DNAJC16: variants seen among roughly 807,000 people sequenced by gnomAD.
DNAJC16 encodes dnaJ homolog subfamily C member 16.
DNAJC16 carries 76 observed loss-of-function variants against 92.7 expected under a neutral mutation model. The ratio of observed to expected loss-of-function variants is 0.82; its 90% CI spans 0.68 to 0.99. DNAJC16 has a LOEUF of 0.99. Ranked by LOEUF, DNAJC16 falls within the 50% of genes least tolerant of loss-of-function variation. The probability of loss-of-function intolerance (pLI) is 0.00; values close to 1 mark genes in which losing one functional copy is unlikely to be tolerated. For synonymous variants in DNAJC16, 328 were observed against 358.7 expected (o/e 0.91, Z 0.97); for missense variants, 869 against 942.4 (o/e 0.92, Z 1.02).
chr1:15,557,076 G>A (rs1638586112), intron 7 of DNAJC16, among the ~76,000 whole-genome samples: 1 of 152,118 alleles, frequency 6.6e-6, no homozygotes, highest in Non-Finnish European at 1.5e-5. Flanking sequence ...ATATATTGCT[G>A]GATTCCATTT....
At chr1:15,562,019 C>A in intron 8 of DNAJC16, 123 bp from the exon 9 acceptor site, 1 of 868,062 alleles carries the variant, frequency 1.2e-6, no homozygotes, top group Non-Finnish European at 1.6e-6. Flanking sequence ...TCAGCTTTCA[C>A]TGGGCACAGT....
At chr1:15,567,507 C>G (rs1174272190) in intron 14 of DNAJC16, among the ~76,000 whole-genome samples, 1 of 152,092 alleles carries the variant, frequency 6.6e-6, no homozygotes, top group African/African-American at 2.4e-5. Context: ...TTCCCTGAGC[C>G]CTTTCAGTTA....
At chr1:15,527,018 G>C (rs1474257790) in intron 1 of DNAJC16, 60 bp downstream of exon 1, 1 of 152,332 alleles carries the variant, frequency 6.6e-6, no homozygotes, top group East Asian at 1.9e-4. Flanking sequence ...GGCCGACTCA[G>C]GGATTTCCCC....
chr1:15,539,537 C>T (rs569075431), intron 4 of DNAJC16, among the ~76,000 whole-genome samples: 31 of 152,046 alleles, frequency 2.0e-4, no homozygotes, highest in African/African-American at 7.2e-4. Flanking sequence ...TGAGCCACCA[C>T]GCCTGGCTTT....
At chr1:15,564,817 C>CCACACTTGGCCCAGTTG in intron 11 of DNAJC16, among the ~76,000 whole-genome samples, 1 of 151,196 alleles carries the variant, frequency 6.6e-6, no homozygotes, top group Non-Finnish European at 1.5e-5. Context: ...GTGTGAACCA[C>CCACACTTGGCCCAGTTG]TGCTCCCGGA....
intron 5 of DNAJC16, among the ~76,000 whole-genome samples, chr1:15,545,002 G>A (rs931875091): frequency 2.0e-5 from 3 of 152,006 alleles, no homozygotes; most frequent in Non-Finnish European, 4.4e-5. Flanking sequence ...TATGTTTAAC[G>A]ATCATATCTA....
At chr1:15,552,256 G>C (rs61782385) in intron 7 of DNAJC16, among the ~76,000 whole-genome samples, 1 of 151,730 alleles carries the variant, frequency 6.6e-6, no homozygotes, top group South Asian at 2.1e-4. Flanking sequence ...GGGAGGCTGA[G>C]GCAGGTGGAT....
intron 4 of DNAJC16, among the ~76,000 whole-genome samples, chr1:15,540,665 G>T (rs916612546): frequency 6.6e-6 from 1 of 152,034 alleles, no homozygotes; most frequent in African/African-American, 2.4e-5. Flanking sequence ...TTAAACTCCT[G>T]GTCACAAGCG....
chr1:15,531,225 A>G (rs537093608), intron 2 of DNAJC16, among the ~76,000 whole-genome samples: 3 of 152,272 alleles, frequency 2.0e-5, no homozygotes, highest in Non-Finnish European at 4.4e-5. Context: ...TGCATGGTAC[A>G]GACTGCATGC....
chr1:15,567,136 C>G lies in DNAJC16; in HGVS notation c.1816C>G (p.Leu606Val). ...PKKGFVEVTE[L>V]TDVTYTSNLV... ...AAAAGGCTTTGTGGAGGTAACTGAA[C>G]TCACAGATGTAACATACACCAGTAA... The change falls in exon 14 of 15, where the codon CTC becomes GTC. Residue 606 changes from leucine (L) to valine (V), a missense_variant. By Grantham distance (32) the Leu-to-Val change is conservative. Transcript: ENST00000375847. 2 of 1,612,964 alleles carry G rather than the reference C, an allele frequency of 1.2e-6. No individual in the cohort carries two copies. The highest frequency in any genetic ancestry group is 1.7e-6 in the Non-Finnish European group (2 of 1,178,940).
chr1:15,564,078 A>G lies in DNAJC16; in HGVS notation c.1488A>G (p.Ala496=), dbSNP rs1270595663. The G allele has an allele frequency of 2.5e-6, 4 of 1,613,562 alleles. No individual in the cohort carries two copies. Among genetic ancestry groups the G allele is most frequent in the Admixed American group, 3.3e-5 (2 of 59,986 alleles). ...RKDPALLSSE[A]VLPDLTDELA... ...ATCCAGCTCTTCTGTCCTCTGAAGC[A>G]GTGCTTCCTGACCTGACCGATGAAC... Residue 496 remains alanine, a synonymous_variant, in exon 10 of 15, where the codon GCA becomes GCG. Coordinates refer to ENST00000375847, the MANE Select transcript of DNAJC16 (RefSeq NM_015291.4).
intron 4 of DNAJC16, among the ~76,000 whole-genome samples, chr1:15,544,151 TACACACACACACACACAC>T (rs148744006): frequency 1.5e-4 from 20 of 137,290 alleles, no homozygotes; most frequent in East Asian, 1.2e-3. Flanking sequence ...TGTATATGCA[TACACACACACACACACAC>T]ACACACACAC....
chr1:15,528,251 G>C (rs1264637606), intron 1 of DNAJC16, among the ~76,000 whole-genome samples: 1 of 152,120 alleles, frequency 6.6e-6, no homozygotes, highest in Non-Finnish European at 1.5e-5. Flanking sequence ...TGGCCAACAT[G>C]GTGAAACCCT....
At chr1:15,567,711 A>G in intron 14 of DNAJC16, 67 bp from the exon 15 acceptor site, 1 of 1,487,034 alleles carries the variant, frequency 6.7e-7, no homozygotes, top group Non-Finnish European at 9.1e-7. Context: ...TCACTGGGGT[A>G]TTTATTTTCT....
chr1:15,556,837 A>G (rs1638582074), intron 7 of DNAJC16, among the ~76,000 whole-genome samples: 1 of 152,246 alleles, frequency 6.6e-6, no homozygotes, highest in Non-Finnish European at 1.5e-5. Flanking sequence ...TAAAATGTGG[A>G]TACCCTTTAT....
At chr1:15,553,154 C>CT (rs540070186) in intron 7 of DNAJC16, among the ~76,000 whole-genome samples, 44 of 152,096 alleles carry the variant, frequency 2.9e-4, no homozygotes, top group African/African-American at 1.1e-3. Flanking sequence ...ATGTTCATCT[C>CT]TTTTTTTCCT....
At chr1:15,535,810 G>A (rs1036373142) in intron 3 of DNAJC16, among the ~76,000 whole-genome samples, 1 of 151,788 alleles carries the variant, frequency 6.6e-6, no homozygotes, top group African/African-American at 2.4e-5. Flanking sequence ...CACCCAGGCT[G>A]GAGTACAGTG....
intron 4 of DNAJC16, among the ~76,000 whole-genome samples, chr1:15,538,878 C>T (rs1160978820): frequency 6.6e-6 from 1 of 152,190 alleles, no homozygotes; most frequent in African/African-American, 2.4e-5. Flanking sequence ...CGTTATTTTG[C>T]ATCTTGTGGT....
chr1:15,544,132 T>A (rs912739747), intron 4 of DNAJC16, among the ~76,000 whole-genome samples: 1 of 103,180 alleles, frequency 9.7e-6, no homozygotes, highest in Admixed American at 8.9e-5. Flanking sequence ...ATGACCCCAT[T>A]TTGTTTTATG....
Sources: allele counts gnomAD v4.1 joint callset (sites outside exome capture counted in the v4.1 genomes callset), GRCh38; gene constraint gnomAD v4.1.1; transcripts MANE v1.5; gene names NCBI Gene and HGNC (gene_info 2026-07-23, HGNC 2026-07-21).